ZNF385D: variants seen among roughly 807,000 people sequenced by gnomAD.
ZNF385D encodes zinc finger protein 659.
Under a neutral mutation model 35.8 loss-of-function variants are expected in ZNF385D, and 15 were observed. That is an observed-to-expected ratio of 0.42 (90% CI 0.28 to 0.64). ZNF385D has a LOEUF of 0.64. ZNF385D is among the 30% of genes least tolerant of loss of function. The pLI is 0.23. For missense variants in ZNF385D, 474 were observed against 494.6 expected, an observed-to-expected ratio of 0.96 and a Z score of 0.39; for synonymous variants, 212 against 186.8, an observed-to-expected ratio of 1.13 and a Z score of -1.10.
intron 2 of ZNF385D, among the ~76,000 whole-genome samples, chr3:22,349,218 T>A (rs566169807): frequency 3.5e-4 from 54 of 152,220 alleles, no homozygotes; most frequent in African/African-American, 1.3e-3. Context: ...AATGAGCCCA[T>A]GAAATAAACA....
chr3:21,588,697 A>G (rs1220756576), intron 2 of ZNF385D, among the ~76,000 whole-genome samples: 1 of 152,286 alleles, frequency 6.6e-6, no homozygotes, highest in African/African-American at 2.4e-5. Flanking sequence ...TTGAAAGCAT[A>G]ATTCTAAAAT....
At chr3:21,884,891 A>G (rs1254929594) in intron 3 of ZNF385D, among the ~76,000 whole-genome samples, 2 of 142,704 alleles carry the variant, frequency 1.4e-5, no homozygotes, top group African/African-American at 5.3e-5. Context: ...TATGACCCTC[A>G]ATCCAAAATT....
chr3:22,025,036 G>A (rs571908826), intron 3 of ZNF385D, among the ~76,000 whole-genome samples: 1 of 152,308 alleles, frequency 6.6e-6, no homozygotes, highest in South Asian at 2.1e-4. Context: ...GTTAAAGTGA[G>A]GGCATTGATT....
chr3:22,328,248 A>G (rs1694766956), intron 2 of ZNF385D, among the ~76,000 whole-genome samples: 1 of 150,976 alleles, frequency 6.6e-6, no homozygotes. Flanking sequence ...GCATTAATAT[A>G]TTTTTCTGGA....
intron 3 of ZNF385D, among the ~76,000 whole-genome samples, chr3:21,561,509 G>T (rs2125636824): frequency 6.6e-6 from 1 of 152,258 alleles, no homozygotes; most frequent in Admixed American, 6.5e-5. Context: ...AGATGAACTG[G>T]GTACCTCAGT....
chr3:21,739,247 C>G (rs917141296), intron 1 of ZNF385D, among the ~76,000 whole-genome samples: 1 of 152,190 alleles, frequency 6.6e-6, no homozygotes, highest in African/African-American at 2.4e-5. Context: ...CTATCACACT[C>G]CATAAACATT....
chr3:21,463,228 C>T (rs1165442374), intron 4 of ZNF385D, among the ~76,000 whole-genome samples: 1 of 149,418 alleles, frequency 6.7e-6, no homozygotes, highest in Non-Finnish European at 1.5e-5. Flanking sequence ...AAAAAAAATT[C>T]AATAGCATGA....
intron 3 of ZNF385D, among the ~76,000 whole-genome samples, chr3:22,091,715 G>A (rs1163581711): frequency 9.9e-5 from 15 of 152,198 alleles, no homozygotes; most frequent in Admixed American, 9.2e-4. Flanking sequence ...GGGTCCATTT[G>A]TGGAAGGCTG....
chr3:21,777,455 C>CA (rs1412410020), intron 3 of ZNF385D, among the ~76,000 whole-genome samples: 1 of 151,902 alleles, frequency 6.6e-6, no homozygotes, highest in African/African-American at 2.4e-5. Flanking sequence ...ACTTAGTTGA[C>CA]AGATAGTCAC....
At chr3:22,105,591 TA>T (rs1259785541) in intron 3 of ZNF385D, among the ~76,000 whole-genome samples, 1 of 152,088 alleles carries the variant, frequency 6.6e-6, no homozygotes, top group Non-Finnish European at 1.5e-5. Flanking sequence ...GCTGATGGTG[TA>T]GATCACAGTT....
chr3:22,140,117 A>T (rs1704412120), intron 3 of ZNF385D, among the ~76,000 whole-genome samples: 1 of 152,178 alleles, frequency 6.6e-6, no homozygotes, highest in Non-Finnish European at 1.5e-5. Context: ...GAGAAACGAA[A>T]ATTTATTTCC....
At chr3:21,915,676 C>A (rs904375841) in intron 3 of ZNF385D, among the ~76,000 whole-genome samples, 4 of 152,056 alleles carry the variant, frequency 2.6e-5, no homozygotes. Context: ...CTTTATATCC[C>A]AGTACAAAAC....
chr3:21,951,003 T>C (rs1016379872), intron 3 of ZNF385D, among the ~76,000 whole-genome samples: 1 of 151,718 alleles, frequency 6.6e-6, no homozygotes, highest in African/African-American at 2.4e-5. Context: ...TTGTTCTTTT[T>C]GCTTAGGATT....
chr3:21,561,251 C>T (rs1304604450), intron 3 of ZNF385D, among the ~76,000 whole-genome samples: 1 of 152,196 alleles, frequency 6.6e-6, no homozygotes, highest in Non-Finnish European at 1.5e-5. Context: ...CAGTTTTGTG[C>T]TGGAAACTTA....
At chr3:22,151,767 A>G (rs895139841) in intron 3 of ZNF385D, among the ~76,000 whole-genome samples, 25 of 152,178 alleles carry the variant, frequency 1.6e-4, no homozygotes, top group African/African-American at 6.0e-4. Context: ...TTGACCAAAT[A>G]TCTGGGTGTC....
At chr3:21,890,210 G>T (rs1237227784) in intron 3 of ZNF385D, among the ~76,000 whole-genome samples, 1 of 152,142 alleles carries the variant, frequency 6.6e-6, no homozygotes, top group African/African-American at 2.4e-5. Context: ...AATAATTGAT[G>T]TATAGAGGGA....
intron 3 of ZNF385D, among the ~76,000 whole-genome samples, chr3:22,121,558 G>A (rs1703088608): frequency 6.6e-6 from 1 of 152,156 alleles, no homozygotes; most frequent in Non-Finnish European, 1.5e-5. Context: ...TGACTAGCGT[G>A]CACAATGCAC....
intron 2 of ZNF385D, among the ~76,000 whole-genome samples, chr3:22,214,939 G>C (rs1245943570): frequency 6.6e-6 from 1 of 151,838 alleles, no homozygotes; most frequent in Non-Finnish European, 1.5e-5. Flanking sequence ...CTCCCCTTTT[G>C]AAAATGACTA....
chr3:22,231,532 C>T (rs1256910858), intron 2 of ZNF385D, among the ~76,000 whole-genome samples: 6 of 152,130 alleles, frequency 3.9e-5, no homozygotes, highest in Admixed American at 3.3e-4. Context: ...AGTGTCTCTG[C>T]TGCTGAGTGA....
Sources: allele counts gnomAD v4.1 joint callset (sites outside exome capture counted in the v4.1 genomes callset), GRCh38; gene constraint gnomAD v4.1.1; transcripts MANE v1.5; gene names NCBI Gene and HGNC (gene_info 2026-07-23, HGNC 2026-07-21).